The following FOXN3 variants were observed in gnomAD, a reference collection of about 807,000 sequenced individuals.
The protein encoded by FOXN3 is forkhead box protein N3.
FOXN3 carries 7 observed loss-of-function variants against 38.4 expected under a neutral mutation model. The ratio of observed to expected loss-of-function variants is 0.18; its 90% CI spans 0.10 to 0.34. The LOEUF is 0.34. FOXN3 is among the 10% of genes least tolerant of loss of function. The pLI is 1.00. For missense variants in FOXN3, 456 were observed against 613.4 expected (o/e 0.74, Z 2.71); for synonymous variants, 230 against 242.2 (o/e 0.95, Z 0.47).
chr14:89,242,566 C>T (rs547028739), intron 4 of FOXN3, among the ~76,000 whole-genome samples: 5 of 152,074 alleles, frequency 3.3e-5, no homozygotes, highest in Non-Finnish European at 7.4e-5. Context: ...AACGATACCA[C>T]TAAAGTAAAA....
chr14:89,399,182 T>C (rs1204903179), intron 2 of FOXN3, among the ~76,000 whole-genome samples: 2 of 152,096 alleles, frequency 1.3e-5, no homozygotes, highest in Admixed American at 1.3e-4. Context: ...AAAGGACAAG[T>C]CCTAGTATCT....
chr14:89,207,590 A>G (rs1387334551), intron 4 of FOXN3, among the ~76,000 whole-genome samples: 1 of 152,240 alleles, frequency 6.6e-6, no homozygotes, highest in Non-Finnish European at 1.5e-5. Context: ...ACAGGGGCAG[A>G]TGAAATAAAC....
At chr14:89,341,877 C>T (rs867836397) in intron 3 of FOXN3, among the ~76,000 whole-genome samples, 2 of 152,180 alleles carry the variant, frequency 1.3e-5, no homozygotes, top group African/African-American at 2.4e-5. Flanking sequence ...CCCCCTCTAA[C>T]GATGCCTAAG....
chr14:89,343,627 G>GTTTTTTTTTTTTTTT (rs34453491), intron 3 of FOXN3, among the ~76,000 whole-genome samples: 1 of 140,636 alleles, frequency 7.1e-6, no homozygotes, highest in Non-Finnish European at 1.5e-5. Flanking sequence ...AATGTGTGTG[G>GTTTTTTTTTTTTTTT]TTTTTTTTTT....
chr14:89,543,934 T>C (rs1419294501), intron 1 of FOXN3, among the ~76,000 whole-genome samples: 4 of 152,128 alleles, frequency 2.6e-5, no homozygotes, highest in African/African-American at 9.7e-5. Flanking sequence ...CAAAATATTT[T>C]GGAAAAATAT....
chr14:89,279,640 TGTGTTAATTTTTGAGA>T (rs1312951718), intron 4 of FOXN3, among the ~76,000 whole-genome samples: 1 of 152,204 alleles, frequency 6.6e-6, no homozygotes, highest in Non-Finnish European at 1.5e-5. Context: ...TTTTAAATTA[TGTGTTAATTTTTGAGA>T]GTGGAGGGAC....
chr14:89,375,149 A>ATATCC (rs1566971585), intron 2 of FOXN3, among the ~76,000 whole-genome samples: 1 of 152,204 alleles, frequency 6.6e-6, no homozygotes, highest in Admixed American at 6.5e-5. Context: ...AAAACTTTTC[A>ATATCC]TGATGAAACT....
At chr14:89,439,309 T>G (rs1892331100) in intron 1 of FOXN3, among the ~76,000 whole-genome samples, 1 of 152,140 alleles carries the variant, frequency 6.6e-6, no homozygotes, top group Admixed American at 6.6e-5. Flanking sequence ...CATTCCCAGA[T>G]AGTTAAGGCA....
chr14:89,192,573 C>G (rs1026319994), intron 4 of FOXN3, among the ~76,000 whole-genome samples: 1 of 137,832 alleles, frequency 7.3e-6, no homozygotes, highest in Non-Finnish European at 1.5e-5. Context: ...ATATATAACA[C>G]ATATGTTATA....
chr14:89,496,384 G>A (rs1005167125), intron 1 of FOXN3, among the ~76,000 whole-genome samples: 4 of 151,752 alleles, frequency 2.6e-5, no homozygotes, highest in East Asian at 1.9e-4. Flanking sequence ...TGCAGCAAGC[G>A]CTCCCAGAGC....
At chr14:89,165,434 C>T (rs1394555162) in intron 5 of FOXN3, among the ~76,000 whole-genome samples, 1 of 152,200 alleles carries the variant, frequency 6.6e-6, no homozygotes, top group African/African-American at 2.4e-5. Flanking sequence ...GACTTGTTCA[C>T]TCTGAGCAGT....
rs371914384 is a variant in FOXN3 at position 89,479,161 on chromosome 14, A to G, written c.-14-66671T>C. On this transcript the variant is annotated intron_variant, in intron 1 of 6. Transcript: ENST00000345097. ...TGCCTCAGCCTGAAGATCTTGGGCC[A>G]CTTCATTAAAACCCACCCTGCCACA... Among the ~76,000 whole-genome samples the G allele has an allele frequency of 1.0e-3, 157 of 152,188 alleles. 1 individual carries two copies. The highest frequency in any genetic ancestry group is 3.6e-3 in the African/African-American group (149 of 41,528).
upstream of FOXN3, chr14:89,417,628 C>G (rs1029401644): frequency 4.4e-6 from 2 of 451,944 alleles, no homozygotes; most frequent in East Asian, 1.4e-4. Flanking sequence ...ACGCTCCTAC[C>G]CCATCTGCAT....
At chr14:89,300,444 AGTGATGG>A (rs1887183472) in intron 3 of FOXN3, among the ~76,000 whole-genome samples, 1 of 152,174 alleles carries the variant, frequency 6.6e-6, no homozygotes, top group Non-Finnish European at 1.5e-5. Flanking sequence ...GGCCTCCCAG[AGTGATGG>A]GTTTACAGGC....
intron 1 of FOXN3, among the ~76,000 whole-genome samples, chr14:89,434,153 C>T (rs1892224499): frequency 6.7e-6 from 1 of 149,940 alleles, no homozygotes; most frequent in Non-Finnish European, 1.5e-5. Flanking sequence ...GAACTCCTGA[C>T]CTCAGATGAT....
At chr14:89,303,512 A>AC (rs1463276409) in intron 3 of FOXN3, among the ~76,000 whole-genome samples, 1 of 151,344 alleles carries the variant, frequency 6.6e-6, no homozygotes, top group Non-Finnish European at 1.5e-5. Flanking sequence ...AAAAAAACAA[A>AC]AAAAAAACTA....
At chr14:89,333,749 T>TTTA (rs1555418764) in intron 3 of FOXN3, among the ~76,000 whole-genome samples, 1 of 57,266 alleles carries the variant, frequency 1.7e-5, no homozygotes, top group Admixed American at 2.2e-4. Context: ...GAGAGACTAT[T>TTTA]AAAAAAAAAA....
intron 2 of FOXN3, among the ~76,000 whole-genome samples, chr14:89,410,425 AAC>A (rs1199968934): frequency 6.6e-6 from 1 of 152,178 alleles, no homozygotes; most frequent in African/African-American, 2.4e-5. Flanking sequence ...AAAGCGGGAA[AAC>A]ACAGTCACAT....
chr14:89,285,990 C>CA (rs1164590221), intron 3 of FOXN3, among the ~76,000 whole-genome samples: 2 of 151,902 alleles, frequency 1.3e-5, no homozygotes, highest in Non-Finnish European at 2.9e-5. Flanking sequence ...CCTCAGCCCT[C>CA]AGAGTAGCTG....
Sources: gnomAD v4.1 joint callset for allele counts (sites outside exome capture counted in the v4.1 genomes callset) on GRCh38, gnomAD v4.1.1 for gene constraint, MANE v1.5 for transcripts, NCBI Gene and HGNC (gene_info 2026-07-23, HGNC 2026-07-21) for gene names.